Variants in RHBDL2 observed in about 807,000 individuals in gnomAD.
RHBDL2 encodes the protein rhomboid like 2, also known as rhomboid-related protein 2.
RHBDL2 carries 26 observed loss-of-function variants against 31.7 expected under a neutral mutation model. That is an observed-to-expected ratio of 0.82 (90% CI 0.60 to 1.14). The LOEUF is 1.14. Ranked by LOEUF, RHBDL2 falls within the 50% of genes most tolerant of loss-of-function variation. RHBDL2 has a pLI of 0.00. For missense variants in RHBDL2, 336 were observed against 364.4 expected (o/e 0.92, Z 0.63); for synonymous variants, 123 against 127.2 (o/e 0.97, Z 0.22).
intron 4 of RHBDL2, among the ~76,000 whole-genome samples, chr1:38,902,843 C>T (rs1247783321): frequency 1.3e-5 from 2 of 152,160 alleles, no homozygotes; most frequent in Admixed American, 1.3e-4. Flanking sequence ...TGAGCCACCA[C>T]GCCCAGCCCC....
chr1:38,919,203 C>T lies in RHBDL2; in HGVS notation c.10G>A (p.Val4Ile), dbSNP rs1475766365. 1.2e-6 allele frequency: 2 copies of T among 1,614,154 alleles called. No homozygotes were observed. The highest frequency in any genetic ancestry group is 1.1e-5 in the South Asian group (1 of 91,070). The change falls in exon 2 of 8, where the codon GTT (valine) becomes ATT (isoleucine). Residue 4 changes from valine (V) to isoleucine (I), a missense_variant. Physicochemically the swap from Val to Ile is conservative, Grantham distance 29 (BLOSUM62 3). Transcript: ENST00000372990. Reference protein sequence around the residue: MAAVHDLEMESMNL... With the variant: MAAIHDLEMESMNL... ...ATGCTCTCCATCTCCAGATCATGAA[C>T]AGCAGCCATTGTCCTGGGTCCTCCC... is the stretch of plus-strand genomic sequence containing the variant.
intron 1 of RHBDL2, chr1:38,929,750 T>C (rs931041601): frequency 2.9e-5 from 5 of 175,142 alleles, no homozygotes; most frequent in African/African-American, 9.6e-5. Context: ...GGATTGGACT[T>C]CTGGGCCACA....
At chr1:38,904,482 G>A (rs202167017) in intron 4 of RHBDL2, among the ~76,000 whole-genome samples, 7 of 146,852 alleles carry the variant, frequency 4.8e-5, no homozygotes, top group South Asian at 2.1e-4. Context: ...AAAAAAAAAA[G>A]AAAAAAAAAA....
chr1:38,924,466 C>T (rs1040105751), intron 1 of RHBDL2, among the ~76,000 whole-genome samples: 10 of 151,868 alleles, frequency 6.6e-5, no homozygotes, highest in Admixed American at 1.3e-4. Flanking sequence ...TGGTGGCGGG[C>T]GCCTGTAGTC....
chr1:38,886,873 G>A (rs1642791517), intron 7 of RHBDL2, among the ~76,000 whole-genome samples, 190 bp from the exon 8 acceptor site: 1 of 152,196 alleles, frequency 6.6e-6, no homozygotes, highest in Non-Finnish European at 1.5e-5. Context: ...TACTCTGAAA[G>A]ATACAAAGCT....
chr1:38,893,143 G>GT, intron 6 of RHBDL2, 21 bp downstream of exon 6: 2 of 1,377,264 alleles, frequency 1.5e-6, no homozygotes, highest in Non-Finnish European at 2.1e-6. Flanking sequence ...ACAGTATGAA[G>GT]TATTCACAAA....
intron 1 of RHBDL2, chr1:38,925,988 G>A (rs1336111413): frequency 1.6e-6 from 2 of 1,271,096 alleles, no homozygotes; most frequent in East Asian, 5.8e-5. Flanking sequence ...AAATGTCAAA[G>A]ACTTCCAGTG....
intron 6 of RHBDL2, among the ~76,000 whole-genome samples, chr1:38,889,623 A>G (rs569483328): frequency 1.8e-4 from 28 of 152,318 alleles, no homozygotes; most frequent in South Asian, 1.2e-3. Flanking sequence ...CAGGCCATGA[A>G]AGGAAATCAT....
chr1:38,912,948 G>GTATA (rs1553159164), intron 3 of RHBDL2, among the ~76,000 whole-genome samples: 8 of 106,620 alleles, frequency 7.5e-5, no homozygotes, highest in Non-Finnish European at 1.2e-4. Flanking sequence ...GTGTGTGTGT[G>GTATA]TATTTACATA....
At chr1:38,895,514 T>A (rs775690050) in intron 5 of RHBDL2, among the ~76,000 whole-genome samples, 1 of 152,080 alleles carries the variant, frequency 6.6e-6, no homozygotes, top group Non-Finnish European at 1.5e-5. Flanking sequence ...TGATAACATA[T>A]GAAAGGAAGC....
Position 38,915,625 on chromosome 1 carries a change from A to C in RHBDL2, c.332T>G (p.Ile111Ser), listed in dbSNP as rs750892626. 27 of 1,613,976 alleles carry C rather than the reference A, an allele frequency of 1.7e-5. No individual in the cohort carries two copies. Among genetic ancestry groups the C allele is most frequent in the Admixed American group, 3.3e-5 (2 of 59,990 alleles). ...TTCCTCCCTCTTCTCAGGACTGTAGATAAAGGGACTCTCCAAGATGCCTGT... is the reference window on the plus strand; with the variant it reads ...TTCCTCCCTCTTCTCAGGACTGTAGCTAAAGGGACTCTCCAAGATGCCTGT... ...LDTGILESPFIYSPEKREEAW... is the reference protein window; with the variant it reads ...LDTGILESPFSYSPEKREEAW... Residue 111 changes from isoleucine to serine, a missense_variant, in exon 3 of 8, where the codon ATC becomes AGC. Coordinates refer to ENST00000372990, the MANE Select transcript of RHBDL2 (RefSeq NM_017821.5).
At chr1:38,902,784 C>T (rs1643012348) in intron 4 of RHBDL2, among the ~76,000 whole-genome samples, 1 of 151,936 alleles carries the variant, frequency 6.6e-6, no homozygotes, top group African/African-American at 2.4e-5. Context: ...AACTCCTGGG[C>T]TCAATGATCT....
intron 1 of RHBDL2, 89 bp from the exon 2 acceptor site, chr1:38,919,426 T>G: frequency 7.8e-7 from 1 of 1,287,458 alleles, no homozygotes; most frequent in East Asian, 2.6e-5. Flanking sequence ...GTAATTGTTT[T>G]AAAAAGAGCC....
chr1:38,923,971 G>A (rs1450956692), intron 1 of RHBDL2, among the ~76,000 whole-genome samples: 1 of 152,118 alleles, frequency 6.6e-6, no homozygotes, highest in Non-Finnish European at 1.5e-5. Context: ...GGTTAAAAAT[G>A]GAAATGTTCC....
chr1:38,933,678 C>T (rs933368342), intron 1 of RHBDL2, among the ~76,000 whole-genome samples: 4 of 152,064 alleles, frequency 2.6e-5, no homozygotes, highest in Non-Finnish European at 5.9e-5. Flanking sequence ...CACCAGCAAA[C>T]ACATGGCCGG....
chr1:38,928,963 C>T (rs181762579), intron 1 of RHBDL2, among the ~76,000 whole-genome samples: 1 of 151,980 alleles, frequency 6.6e-6, no homozygotes, highest in East Asian at 1.9e-4. Flanking sequence ...TCCAGGTACT[C>T]GGGAGGCTGA....
intron 1 of RHBDL2, chr1:38,926,024 C>T: frequency 8.0e-7 from 1 of 1,257,700 alleles, no homozygotes; most frequent in Non-Finnish European, 1.0e-6. Flanking sequence ...TGTACGTAGT[C>T]GTCATTTGTC....
intron 1 of RHBDL2, among the ~76,000 whole-genome samples, chr1:38,921,250 C>T (rs1643311040): frequency 6.6e-6 from 1 of 152,186 alleles, no homozygotes; most frequent in Non-Finnish European, 1.5e-5. Context: ...GGCATAGTGG[C>T]ACGTGCCTGT....
chr1:38,887,895 C>T, intron 7 of RHBDL2, 68 bp downstream of exon 7: 1 of 1,117,884 alleles, frequency 8.9e-7, no homozygotes, highest in South Asian at 1.3e-5. Context: ...GCGTTGTAAC[C>T]CCTATTTGAT....
Sources: allele counts gnomAD v4.1 joint callset (sites outside exome capture counted in the v4.1 genomes callset), GRCh38; gene constraint gnomAD v4.1.1; transcripts MANE v1.5; gene names NCBI Gene and HGNC (gene_info 2026-07-23, HGNC 2026-07-21).